DOCK9: variants seen among roughly 807,000 people sequenced by gnomAD.
DOCK9 encodes the protein dedicator of cytokinesis protein 9.
In DOCK9, 89 loss-of-function variants were observed where a neutral mutation model predicts 263.3. That is an observed-to-expected ratio of 0.34 (90% CI 0.28 to 0.40). The LOEUF (loss-of-function observed/expected upper bound fraction) is 0.40. Among genes scored for constraint, DOCK9 ranks in the 10% least tolerant of loss-of-function variants. The pLI, the probability that DOCK9 is intolerant of heterozygous loss-of-function variation, is 1.00. For missense variants in DOCK9, 2,140 were observed against 2,603.4 expected (o/e 0.82, Z 3.87); for synonymous variants, 976 against 973.1 (o/e 1.00, Z -0.06).
intron 1 of DOCK9, among the ~76,000 whole-genome samples, chr13:98,977,314 T>G (rs1875089394): frequency 6.6e-6 from 1 of 152,246 alleles, no homozygotes. Flanking sequence ...AGAACATATG[T>G]GATTTTATCC....
chr13:98,923,456 G>A lies in DOCK9; in HGVS notation c.417-85C>T. On this transcript the variant is annotated intron_variant, in intron 4 of 52. Transcript: ENST00000682017. ...ATTTCTTCCTCCATCATAGGGCCCG[G>A]CCTTTACTAAATCCAAAGATGGCCC... 5.4e-6 allele frequency: 6 copies of A among 1,101,332 alleles called. No individual in the cohort carries two copies. In the South Asian group the frequency reaches 7.7e-5, roughly 14 times the overall value. The allele number at this position is 1,101,332 out of a possible 1,614,324, so 68.2% of individuals were successfully genotyped here.
intron 1 of DOCK9, among the ~76,000 whole-genome samples, chr13:99,031,970 C>T (rs1433217834): frequency 6.6e-6 from 1 of 152,184 alleles, no homozygotes; most frequent in East Asian, 1.9e-4. Context: ...GGAAGATATG[C>T]TTCTTGATTT....
At chr13:98,910,873 CTCTGCA>C (rs1156802084) in intron 9 of DOCK9, among the ~76,000 whole-genome samples, 3 of 150,426 alleles carry the variant, frequency 2.0e-5, no homozygotes, top group Non-Finnish European at 3.0e-5. Flanking sequence ...CCACCCCTCC[CTCTGCA>C]TACTTCAGTC....
At chr13:98,929,584 T>C (rs550298571) in intron 3 of DOCK9, among the ~76,000 whole-genome samples, 3 of 151,978 alleles carry the variant, frequency 2.0e-5, no homozygotes, top group Non-Finnish European at 4.4e-5. Flanking sequence ...ATAATTTATC[T>C]TTCTTCCATA....
intron 1 of DOCK9, among the ~76,000 whole-genome samples, chr13:98,987,558 C>T (rs1224345650): frequency 6.6e-6 from 1 of 152,124 alleles, no homozygotes; most frequent in Non-Finnish European, 1.5e-5. Context: ...AAGAACTCTC[C>T]AGACACGCTC....
rs1424728697 is a variant in DOCK9, at chr13:98,898,244, C to T, written c.1521G>A (p.Leu507=). The T allele has an allele frequency of 6.2e-7, 1 of 1,611,464 alleles. No individual in the cohort carries two copies. The highest frequency in any genetic ancestry group is 2.2e-5 in the East Asian group (1 of 44,856). ...TTTGGCATGCCTGCTTGGCATTCTTCAGCACCTTCTGGGCCACCTTGAAGA... is the reference window on the plus strand; with the variant it reads ...TTTGGCATGCCTGCTTGGCATTCTTTAGCACCTTCTGGGCCACCTTGAAGA... ...SDSSKVAQKV[L]KNAKQACQRL... The change falls in exon 14 of 53, where the codon CTG becomes CTA. Residue 507 remains leucine, a synonymous_variant. Coordinates refer to ENST00000682017, the MANE Select transcript of DOCK9 (RefSeq NM_001366683.2).
chr13:98,900,859 C>T (rs540859260), intron 13 of DOCK9, among the ~76,000 whole-genome samples: 1 of 152,296 alleles, frequency 6.6e-6, no homozygotes, highest in South Asian at 2.1e-4. Flanking sequence ...TGCATGGGCG[C>T]CCATAGAGGT....
chr13:98,851,448 GTGGGACCACCC>G (rs1244667877), intron 35 of DOCK9, among the ~76,000 whole-genome samples: 1 of 152,144 alleles, frequency 6.6e-6, no homozygotes, highest in Admixed American at 6.5e-5. Flanking sequence ...GGAGAGCCTG[GTGGGACCACCC>G]TGCAGACCCC....
chr13:98,863,961 A>G (rs1475493543), intron 30 of DOCK9, among the ~76,000 whole-genome samples: 1 of 152,244 alleles, frequency 6.6e-6, no homozygotes, highest in African/African-American at 2.4e-5. Context: ...GTGCATAACA[A>G]ACATGTAATT....
intron 30 of DOCK9, among the ~76,000 whole-genome samples, chr13:98,865,225 T>C (rs1323333844): frequency 1.3e-5 from 2 of 152,018 alleles, no homozygotes; most frequent in Non-Finnish European, 2.9e-5. Flanking sequence ...TACCAACACA[T>C]CAGGCTAATT....
In DOCK9 at chr13:98,850,226, T is replaced by C. The variant is rs2093523241; in HGVS notation, c.3947-113A>G. 5.6e-6 allele frequency: 4 copies of C among 711,660 alleles called. No homozygotes were observed. In the Admixed American group the frequency reaches 1.4e-4, roughly 24 times the overall value. 44.1% of individuals were successfully genotyped at this position (711,660 alleles called of 1,614,324 possible). On this transcript the variant is annotated intron_variant, in intron 35 of 52. Transcript: ENST00000682017. ...GAGTGTAGGCCTCTAAACCCTGGAG[T>C]GTAGGCCTCTAAACCCTTCCCCTGC...
chr13:98,944,382 G>GAAAAAAA (rs59677048), intron 2 of DOCK9, among the ~76,000 whole-genome samples: 18 of 73,140 alleles, frequency 2.5e-4, no homozygotes, highest in Non-Finnish European at 4.6e-4. Context: ...CACTATATGA[G>GAAAAAAA]AAAAAAAAAA....
At chr13:98,981,060 TG>T (rs372650813), upstream of DOCK9, among the ~76,000 whole-genome samples, 124 of 151,258 alleles carry the variant, frequency 8.2e-4, no homozygotes, top group East Asian at 2.5e-3. Context: ...ATTTGTTTTT[TG>T]TTTTTTTTTT....
intron 33 of DOCK9, chr13:98,858,958 C>T (rs987724871): frequency 3.3e-5 from 5 of 152,230 alleles, no homozygotes; most frequent in African/African-American, 1.2e-4. Flanking sequence ...TCTGACTCCT[C>T]TCTGCCAACC....
At chr13:98,928,220 T>C (rs911017528) in intron 3 of DOCK9, among the ~76,000 whole-genome samples, 3 of 152,354 alleles carry the variant, frequency 2.0e-5, no homozygotes, top group Admixed American at 2.0e-4. Context: ...TCCTGAGAAC[T>C]GTACCTTCAA....
At chr13:98,845,517 T>C (rs2093361637) in intron 38 of DOCK9, 2 of 437,494 alleles carry the variant, frequency 4.6e-6, no homozygotes, top group Non-Finnish European at 7.9e-6. Context: ...CTTGATCAAT[T>C]ACATGCACAG....
chr13:99,004,575 G>A (rs1052782934), intron 1 of DOCK9, among the ~76,000 whole-genome samples: 2 of 152,052 alleles, frequency 1.3e-5, no homozygotes, highest in East Asian at 1.9e-4. Context: ...ACCTATCATC[G>A]GCAATTGGCT....
chr13:99,001,158 C>A (rs555159692), intron 1 of DOCK9, among the ~76,000 whole-genome samples: 1 of 152,346 alleles, frequency 6.6e-6, no homozygotes, highest in East Asian at 1.9e-4. Flanking sequence ...ATCTACCGAA[C>A]TCACTTCGCA....
chr13:99,053,444 G>A (rs2040792663), intron 1 of DOCK9, among the ~76,000 whole-genome samples: 1 of 152,020 alleles, frequency 6.6e-6, no homozygotes, highest in African/African-American at 2.4e-5. Flanking sequence ...AAAAAACTTA[G>A]AATATAAATT....
Sources: allele counts gnomAD v4.1 joint callset (sites outside exome capture counted in the v4.1 genomes callset), GRCh38; gene constraint gnomAD v4.1.1; transcripts MANE v1.5; gene names NCBI Gene and HGNC (gene_info 2026-07-23, HGNC 2026-07-21).